ZMYM6: variants seen among roughly 807,000 people sequenced by gnomAD.
ZMYM6 encodes zinc finger MYM-type protein 6.
In ZMYM6, 90 loss-of-function variants were observed where a neutral mutation model predicts 134.0. The observed-to-expected ratio is 0.67, with a 90% CI of 0.57 to 0.80. The LOEUF is 0.80. Ranked by LOEUF, ZMYM6 falls within the 30% of genes least tolerant of loss-of-function variation. The pLI is 0.00. For synonymous variants in ZMYM6, 481 were observed against 524.1 expected (o/e 0.92, Z 1.12); for missense variants, 1,362 against 1,533.9 (o/e 0.89, Z 1.87).
chr1:35,019,106 T>C lies in ZMYM6; in HGVS notation c.428+247A>G, dbSNP rs1242979510. On this transcript the variant is annotated intron_variant, in intron 4 of 15. Transcript: ENST00000357182. ...ACAGGATAGTCCTGCAATTCCCACA[T>C]GTCATTTGTTATTTCTTTCCATAGT... 19 of 594,856 alleles carry C rather than the reference T, an allele frequency of 3.2e-5. No homozygotes were observed. The East Asian group carries it at 5.3e-4, about 17-fold the overall frequency. The allele number at this position is 594,856 out of a possible 1,614,324, so 36.8% of individuals were successfully genotyped here.
intron 14 of ZMYM6, among the ~76,000 whole-genome samples, chr1:34,996,033 T>C (rs1398822860): frequency 4.6e-5 from 7 of 152,196 alleles, no homozygotes; most frequent in African/African-American, 1.7e-4. Context: ...AATATTTTAC[T>C]ATTATAAACA....
At position 35,014,740 on chromosome 1, in the gene ZMYM6, G is replaced by A; in HGVS notation, c.752C>T (p.Ser251Phe). The A allele has an allele frequency of 6.2e-7, 1 of 1,614,068 alleles. No homozygotes were observed. The change falls in exon 6 of 16, where the codon TCC (serine) becomes TTC (phenylalanine). Residue 251 changes from serine (S) to phenylalanine (F), a missense_variant. By Grantham distance (155) the Ser-to-Phe change is radical. Around this residue, in one of 3 missense-constraint regions of ZMYM6, gnomAD observed 503 missense variants for 520.8 expected, o/e 0.97. Transcript: ENST00000357182. The stretch of plus-strand genomic sequence containing the variant: ...ACTTGTTGAACTAAAAACCTTCTGG[G>A]ATTGGCAAGGACCAGAGCTACTATA... ...YCYSSSGPCQ[S>F]QKVFSSTSVT...
Position 35,011,043 on chromosome 1 carries a change from GA to G in ZMYM6, c.1063-8del. ...TTGGCTTGCTAAATACATTCTGAAT[GA>G]AAACAAATAAGGTAAAGATTTTATC... On this transcript the variant is annotated splice_region_variant and splice_polypyrimidine_tract_variant and intron_variant, in intron 8 of 15. Coordinates refer to ENST00000357182, the MANE Select transcript of ZMYM6 (RefSeq NM_007167.4). 1 of 1,609,468 alleles carries G rather than the reference GA, an allele frequency of 6.2e-7. No individual in the cohort carries two copies. The highest frequency in any genetic ancestry group is 2.2e-5 in the East Asian group (1 of 44,836).
chr1:34,987,418 G>T lies in ZMYM6; in HGVS notation c.3664C>A (p.His1222Asn), dbSNP rs764634513. 6.2e-7 allele frequency: 1 copy of T among 1,614,034 alleles called. No individual in the cohort carries two copies. Among genetic ancestry groups the T allele is most frequent in the Non-Finnish European group, 8.5e-7 (1 of 1,180,002 alleles). ...NLWIIHPFMN[H>N]QNNNLTDFEE... ...AAGTCGGTGAGATTATTATTTTGGTGATTCATAAAAGGGTGAATTATCCAC... is the reference window on the plus strand; with the variant it reads ...AAGTCGGTGAGATTATTATTTTGGTTATTCATAAAAGGGTGAATTATCCAC... The change falls in exon 16 of 16, where the codon CAC (histidine) becomes AAC (asparagine). Residue 1222 changes from histidine to asparagine, a missense_variant. His to Asn is a moderately conservative substitution (Grantham distance 68). Around this residue, in one of 3 missense-constraint regions of ZMYM6, gnomAD observed 824 missense variants for 940.9 expected, o/e 0.88. Transcript: ENST00000357182.
intron 12 of ZMYM6, among the ~76,000 whole-genome samples, chr1:35,006,519 C>T (rs879793661): frequency 1.3e-4 from 20 of 152,156 alleles, no homozygotes; most frequent in African/African-American, 4.1e-4. Flanking sequence ...TTGTTCTTTT[C>T]TCCTTGCCTA....
At chr1:35,024,970 G>C (rs568473719) in intron 2 of ZMYM6, among the ~76,000 whole-genome samples, 4 of 152,144 alleles carry the variant, frequency 2.6e-5, no homozygotes, top group Admixed American at 6.5e-5. Flanking sequence ...CTGGGTTCAA[G>C]TGATTCTCCT....
intron 14 of ZMYM6, among the ~76,000 whole-genome samples, chr1:34,997,946 C>A (rs551797744): frequency 6.6e-6 from 1 of 152,232 alleles, no homozygotes; most frequent in East Asian, 1.9e-4. Context: ...TCCTACTGAT[C>A]TGAAATGCCA....
chr1:34,995,326 T>A (rs1271230673), intron 14 of ZMYM6, among the ~76,000 whole-genome samples: 2 of 150,800 alleles, frequency 1.3e-5, no homozygotes, highest in African/African-American at 2.4e-5. Flanking sequence ...TATACACATA[T>A]ACAATATATG....
chr1:35,013,717 A>T, intron 6 of ZMYM6: 1 of 973,878 alleles, frequency 1.0e-6, no homozygotes, highest in Non-Finnish European at 1.2e-6. Flanking sequence ...TTTTTGAGAC[A>T]GTCTTGCTCT....
chr1:35,028,740 C>A (rs1028315750), intron 2 of ZMYM6, among the ~76,000 whole-genome samples: 1 of 151,890 alleles, frequency 6.6e-6, no homozygotes, highest in Non-Finnish European at 1.5e-5. Context: ...ACCTCGTGAT[C>A]TGCCTGCCTT....
In ZMYM6 at chr1:34,992,231, T is replaced by A. The variant is rs751990492; in HGVS notation, c.2146+3A>T. On this transcript the variant is annotated splice_donor_region_variant and intron_variant, in intron 15 of 15. Transcript: ENST00000357182. ...GTACATGGGAACGCACAAGGATACA[T>A]ACCTGTCTGACATTCTTTGTGCTGT... is the stretch of plus-strand genomic sequence containing the variant. The A allele has an allele frequency of 6.2e-7, 1 of 1,613,924 alleles. No individual in the cohort carries two copies. The highest frequency in any genetic ancestry group is 8.5e-7 in the Non-Finnish European group (1 of 1,179,856).
rs1640598407 is a variant in ZMYM6 at position 34,987,630 on chromosome 1, A to C, written c.3452T>G (p.Leu1151Ter). Residue 1151 changes from leucine (L) to a stop codon, truncating the protein, a stop_gained, in exon 16 of 16, where the codon TTA becomes TGA. Coordinates refer to ENST00000357182, the MANE Select transcript of ZMYM6 (RefSeq NM_007167.4). LOFTEE classifies it high-confidence loss of function. The part of the protein sequence containing the change: ...CNKIDVFKRK[L>*]KMWLKRTQEN... ...TTGTGTGCGCTTCAACCACATTTTT[A>C]ACTTTCTCTTAAATACATCAATTTT... is the stretch of plus-strand genomic sequence containing the variant. 2 of 1,591,486 alleles carry C rather than the reference A, an allele frequency of 1.3e-6. No individual in the cohort carries two copies. The highest frequency in any genetic ancestry group is 4.6e-5 in the East Asian group (2 of 43,576).
intron 2 of ZMYM6, among the ~76,000 whole-genome samples, chr1:35,024,228 T>A (rs781149270): frequency 6.6e-6 from 1 of 152,250 alleles, no homozygotes; most frequent in Non-Finnish European, 1.5e-5. Context: ...GCTGAAATAG[T>A]GCTATTTTAG....
intron 3 of ZMYM6, among the ~76,000 whole-genome samples, chr1:35,019,987 G>A (rs556786481): frequency 6.6e-6 from 1 of 152,100 alleles, no homozygotes; most frequent in South Asian, 2.1e-4. Context: ...TCTTTTTCAG[G>A]ACAAATTCCC....
chr1:34,990,248 A>T, intron 15 of ZMYM6: 1 of 251,730 alleles, frequency 4.0e-6, no homozygotes, highest in Non-Finnish European at 9.3e-6. Flanking sequence ...TGGGAGGCTG[A>T]GGCGGGCACA....
In ZMYM6 at chr1:34,986,271, A is replaced by G. The variant is rs1184029852; in HGVS notation, c.*833T>C. On this transcript the variant is annotated 3_prime_UTR_variant, in exon 16 of 16. Coordinates refer to ENST00000357182, the MANE Select transcript of ZMYM6 (RefSeq NM_007167.4). ...TGCAGAATTGAGTAGTTGTGACAGT[A>G]TGGCCTGCAAAGCTGAAAATATTTA... The G allele has an allele frequency of 6.6e-6, 1 of 152,238 alleles. No individual in the cohort carries two copies. Among genetic ancestry groups the G allele is most frequent in the African/African-American group, 2.4e-5 (1 of 41,456 alleles). The allele number at this position is 152,238 out of a possible 1,614,324, so 9.4% of individuals were successfully genotyped here.
At chr1:35,019,305 C>T in intron 4 of ZMYM6, 48 bp downstream of exon 4, 1 of 1,611,686 alleles carries the variant, frequency 6.2e-7, no homozygotes, top group Non-Finnish European at 8.5e-7. Flanking sequence ...AAACAATATA[C>T]ACACTAAAAA....
At chr1:35,015,743 A>AAAAAAAAAAAATAT in intron 4 of ZMYM6, among the ~76,000 whole-genome samples, 13 of 106,472 alleles carry the variant, frequency 1.2e-4, no homozygotes, top group African/African-American at 7.9e-4. Context: ...AAAAAAAAAA[A>AAAAAAAAAAAATAT]ATATATATAT....
At position 35,008,724 on chromosome 1, in the gene ZMYM6, G is replaced by A. The variant is rs751804779; in HGVS notation, c.1665+28C>T. ...AAACAATTTGCACTGATTTCAGAAA[G>A]CCAAAAAAAGTATATTATCACATTT... On this transcript the variant is annotated intron_variant, in intron 11 of 15. Transcript: ENST00000357182. 55 of 1,587,904 alleles carry A rather than the reference G, an allele frequency of 3.5e-5. 1 individual carries two copies. The South Asian group carries it at 6.3e-4, about 18-fold the overall frequency.
Sources: allele counts gnomAD v4.1 joint callset (sites outside exome capture counted in the v4.1 genomes callset), GRCh38; gene constraint gnomAD v4.1.1; regional missense constraint gnomAD v4.1.1; transcripts MANE v1.5; gene names NCBI Gene and HGNC (gene_info 2026-07-23, HGNC 2026-07-21).